NCKAP1: variants seen among roughly 807,000 people sequenced by gnomAD.
NCKAP1 encodes nck-associated protein 1.
In NCKAP1, 21 loss-of-function variants were observed where a neutral mutation model predicts 151.2. That is an observed-to-expected ratio of 0.14 (90% CI 0.10 to 0.20). The LOEUF (loss-of-function observed/expected upper bound fraction) is 0.20. Ranked by LOEUF, NCKAP1 falls within the 10% of genes least tolerant of loss-of-function variation. The probability of loss-of-function intolerance (pLI) is 1.00; values close to 1 mark genes in which losing one functional copy is unlikely to be tolerated. For missense variants in NCKAP1, 933 were observed against 1,352.1 expected, an observed-to-expected ratio of 0.69 and a Z score of 4.86; for synonymous variants, 484 against 451.8, an observed-to-expected ratio of 1.07 and a Z score of -0.90.
intron 2 of NCKAP1, among the ~76,000 whole-genome samples, chr2:183,008,614 G>A (rs1698527871): frequency 1.3e-5 from 2 of 152,116 alleles, no homozygotes; most frequent in African/African-American, 4.8e-5. Flanking sequence ...TGTCTGGGGT[G>A]CTCTTCAACA....
rs1488043600 is a variant in NCKAP1 at position 182,921,779 on chromosome 2, T to C, written c.*3923A>G. ...CTCTGGACAGTCAAGGACAGCGATG[T>C]GTAGGGAAAGTTTGGTTCATGCAAA... On this transcript the variant is annotated 3_prime_UTR_variant, in exon 31 of 31. Transcript: ENST00000361354. The C allele has an allele frequency of 6.6e-6, 1 of 152,180 alleles. No individual in the cohort carries two copies. Among genetic ancestry groups the C allele is most frequent in the Non-Finnish European group, 1.5e-5 (1 of 68,030 alleles). 9.4% of individuals were successfully genotyped at this position (152,180 alleles called of 1,614,324 possible). A position where few individuals can be genotyped will look rare whatever the true frequency, so the allele number is the denominator to read the frequency against.
intron 2 of NCKAP1, 32 bp from the exon 3 acceptor site, chr2:183,003,357 T>C (rs1227977451): frequency 3.9e-6 from 5 of 1,285,818 alleles, no homozygotes; most frequent in Admixed American, 1.9e-5. Flanking sequence ...GCATTGCTCA[T>C]AGAGAACAAA....
chr2:183,028,578 G>C (rs941194352), intron 1 of NCKAP1, among the ~76,000 whole-genome samples: 1 of 151,980 alleles, frequency 6.6e-6, no homozygotes, highest in Non-Finnish European at 1.5e-5. Context: ...ATGACCTTAG[G>C]CAAGTTGCCT....
At chr2:182,938,935 G>C (rs1040798652) in intron 24 of NCKAP1, among the ~76,000 whole-genome samples, 9 of 152,256 alleles carry the variant, frequency 5.9e-5, no homozygotes, top group African/African-American at 2.2e-4. Context: ...TCTGAGAGTT[G>C]AATTTCAAAG....
intron 2 of NCKAP1, among the ~76,000 whole-genome samples, chr2:183,014,654 A>G (rs1460938715): frequency 1.3e-5 from 2 of 152,238 alleles, no homozygotes; most frequent in African/African-American, 4.8e-5. Flanking sequence ...GTACTCTGCA[A>G]CATGTGTTAT....
At chr2:182,979,991 G>A (rs1697905401) in intron 13 of NCKAP1, among the ~76,000 whole-genome samples, 1 of 152,030 alleles carries the variant, frequency 6.6e-6, no homozygotes, top group East Asian at 1.9e-4. Context: ...CAGAAGAAAT[G>A]CTAAGAATTA....
At chr2:183,037,110 C>T (rs1699116650) in intron 1 of NCKAP1, among the ~76,000 whole-genome samples, 1 of 152,192 alleles carries the variant, frequency 6.6e-6, no homozygotes, top group South Asian at 2.1e-4. Context: ...CTTTTCTAAA[C>T]TTCCAGTGGT....
At chr2:182,986,434 T>C (rs1254678828) in intron 9 of NCKAP1, among the ~76,000 whole-genome samples, 2 of 152,152 alleles carry the variant, frequency 1.3e-5, no homozygotes, top group African/African-American at 2.4e-5. Context: ...AGTAACATTA[T>C]ATTAAATCCA....
chr2:182,935,083 A>G (rs1252948945), intron 25 of NCKAP1, among the ~76,000 whole-genome samples: 1 of 152,200 alleles, frequency 6.6e-6, no homozygotes, highest in African/African-American at 2.4e-5. Flanking sequence ...GTAGTGCAAT[A>G]ACCACGCAAG....
At chr2:182,956,986 A>T (rs1697341483) in intron 19 of NCKAP1, 1 of 166,124 alleles carries the variant, frequency 6.0e-6, no homozygotes. Context: ...AAAAATATTT[A>T]CCGAATTATT....
Position 182,926,796 on chromosome 2 carries a change from A to C in NCKAP1, c.3270+20T>G, listed in dbSNP as rs376187534. On this transcript the variant is annotated intron_variant, in intron 30 of 30. Coordinates refer to ENST00000361354, the MANE Select transcript of NCKAP1 (RefSeq NM_013436.5). Reference sequence around the variant, plus strand: ...GACTGGAACTTTTTTATTGTTAGTAAAAATTAAAATGAGACTTACCATATC... The same window carrying C: ...GACTGGAACTTTTTTATTGTTAGTACAAATTAAAATGAGACTTACCATATC... 16 of 1,496,238 alleles carry C rather than the reference A, an allele frequency of 1.1e-5. No homozygotes were observed. Among genetic ancestry groups the C allele is most frequent in the Non-Finnish European group, 1.5e-5 (16 of 1,094,462 alleles). The allele number at this position is 1,496,238 out of a possible 1,614,324, so 92.7% of individuals were successfully genotyped here.
intron 11 of NCKAP1, 23 bp from the exon 12 acceptor site, chr2:182,982,950 T>C: frequency 6.6e-7 from 1 of 1,520,618 alleles, no homozygotes; most frequent in Non-Finnish European, 8.9e-7. Context: ...AAGTAAGTGT[T>C]TATTCTTATT....
chr2:182,936,610 T>G (rs764111676), intron 24 of NCKAP1, among the ~76,000 whole-genome samples: 2 of 152,222 alleles, frequency 1.3e-5, no homozygotes, highest in East Asian at 3.8e-4. Context: ...GTGTTTTATT[T>G]TAACTTTCTA....
At chr2:183,011,952 C>A (rs939274315) in intron 2 of NCKAP1, among the ~76,000 whole-genome samples, 2 of 152,142 alleles carry the variant, frequency 1.3e-5, no homozygotes, top group Admixed American at 6.6e-5. Context: ...AATGTACTGA[C>A]CCTGCCCTAA....
chr2:182,943,195 A>G (rs1697032186), intron 23 of NCKAP1, among the ~76,000 whole-genome samples: 1 of 152,110 alleles, frequency 6.6e-6, no homozygotes. Context: ...ATTCTTGGTT[A>G]TTTCAATTCA....
intron 24 of NCKAP1, 62 bp downstream of exon 24, chr2:182,942,008 A>T (rs772959315): frequency 6.9e-5 from 94 of 1,355,934 alleles, no homozygotes; most frequent in Non-Finnish European, 9.0e-5. Context: ...ATTTTGAGCC[A>T]AAGCTAAATA....
intron 1 of NCKAP1, among the ~76,000 whole-genome samples, chr2:183,025,796 TTACA>T (rs1183356345): frequency 6.6e-6 from 1 of 152,202 alleles, no homozygotes; most frequent in African/African-American, 2.4e-5. Context: ...TAGCATTGCC[TTACA>T]TAATCACATA....
chr2:183,023,258 T>C (rs558957683), intron 2 of NCKAP1, among the ~76,000 whole-genome samples: 2 of 152,238 alleles, frequency 1.3e-5, no homozygotes, highest in East Asian at 3.9e-4. Flanking sequence ...AACATGACCA[T>C]TCTTCAGTAT....
intron 1 of NCKAP1, among the ~76,000 whole-genome samples, chr2:183,033,711 A>T (rs963169866): frequency 1.3e-5 from 2 of 152,242 alleles, no homozygotes; most frequent in African/African-American, 4.8e-5. Context: ...ACTATCTAAA[A>T]TAGTCAACTA....
Sources: allele counts gnomAD v4.1 joint callset (sites outside exome capture counted in the v4.1 genomes callset), GRCh38; gene constraint gnomAD v4.1.1; transcripts MANE v1.5; gene names NCBI Gene and HGNC (gene_info 2026-07-23, HGNC 2026-07-21).